The following DMD variants were observed in gnomAD, a reference collection of about 807,000 sequenced individuals.
DMD encodes dystrophin.
Under a neutral mutation model 330.1 loss-of-function variants are expected in DMD, and 63 were observed. The ratio of observed to expected loss-of-function variants is 0.19; its 90% CI spans 0.16 to 0.24. The LOEUF is 0.24. Among genes scored for constraint, DMD ranks in the 10% least tolerant of loss-of-function variants. The pLI is 1.00. For synonymous variants in DMD, 1,223 were observed against 959.8 expected (o/e 1.27, Z -5.07); for missense variants, 3,344 against 2,684.1 (o/e 1.25, Z -5.43).
chrX:33,058,796 T>A (rs183433045), intron 1 of DMD, among the ~76,000 whole-genome samples: 3 of 111,931 alleles, frequency 2.7e-5, no homozygotes, highest in African/African-American at 9.7e-5. Flanking sequence ...CGGATGCATA[T>A]ATAGGGGTAT....
At chrX:31,390,626 A>T (rs2148786755) in intron 60 of DMD, among the ~76,000 whole-genome samples, 1 of 111,478 alleles carries the variant, frequency 9.0e-6, no homozygotes, top group Non-Finnish European at 1.9e-5. Context: ...ACCAAGTCAT[A>T]CAGATTTTGT....
chrX:31,875,172 G>A lies in DMD; in HGVS notation c.7098+16C>T. 1 of 1,189,197 alleles carries A rather than the reference G, an allele frequency of 8.4e-7. No individual in the cohort carries two copies. The highest frequency in any genetic ancestry group is 3.0e-5 in the East Asian group (1 of 33,532). On this transcript the variant is annotated intron_variant, in intron 48 of 78. Coordinates refer to ENST00000357033, the MANE Select transcript of DMD (RefSeq NM_004006.3). ...CTTAAAAAAGACAAAAATATTTAAA[G>A]CAAAAAGTTCCCTACCTTAACGTCA...
chrX:32,339,013 A>C (rs995865494), intron 41 of DMD, among the ~76,000 whole-genome samples: 1 of 112,533 alleles, frequency 8.9e-6, no homozygotes, highest in African/African-American at 3.2e-5. Context: ...TATTTTAAAA[A>C]TTAAAGATTA....
intron 51 of DMD, among the ~76,000 whole-genome samples, chrX:31,757,702 C>G (rs767297249): frequency 9.1e-6 from 1 of 109,786 alleles, no homozygotes; most frequent in Non-Finnish European, 1.9e-5. Context: ...GACCTAATCA[C>G]CCCCCCAAAC....
chrX:31,826,171 T>C (rs971584555), intron 49 of DMD, among the ~76,000 whole-genome samples: 7 of 112,020 alleles, frequency 6.2e-5, no homozygotes, highest in African/African-American at 2.3e-4. Context: ...CCATTTACTC[T>C]AATATTATCT....
At chrX:31,516,816 G>A (rs924456152) in intron 55 of DMD, among the ~76,000 whole-genome samples, 39 of 111,852 alleles carry the variant, frequency 3.5e-4, no homozygotes, top group African/African-American at 1.2e-3. Flanking sequence ...GAAGGGATAT[G>A]CTTTCTTGCC....
At chrX:31,682,191 C>T (rs111860796) in intron 52 of DMD, among the ~76,000 whole-genome samples, 5,918 of 111,971 alleles carry the variant, frequency 0.053, 384 homozygotes, top group African/African-American at 0.18. Flanking sequence ...ATATAGTCCC[C>T]AGAATAATTA....
At chrX:31,310,206 C>CCATAT (rs1569523709) in intron 62 of DMD, among the ~76,000 whole-genome samples, 1 of 36,179 alleles carries the variant, frequency 2.8e-5, no homozygotes, top group East Asian at 7.0e-4. Context: ...TCTCTCTCTC[C>CCATAT]ATATATATAT....
intron 54 of DMD, among the ~76,000 whole-genome samples, chrX:31,645,387 T>C (rs766278191): frequency 8.9e-6 from 1 of 112,105 alleles, no homozygotes; most frequent in African/African-American, 3.2e-5. Context: ...AGCTAATTAA[T>C]CAATATTCCC....
At chrX:31,203,065 T>C (rs1602659240) in intron 67 of DMD, among the ~76,000 whole-genome samples, 1 of 110,221 alleles carries the variant, frequency 9.1e-6, no homozygotes, top group Non-Finnish European at 1.9e-5. Flanking sequence ...GTGGATCACC[T>C]GAGGTCAGGA....
intron 74 of DMD, among the ~76,000 whole-genome samples, chrX:31,151,101 A>T (rs1191499630): frequency 8.9e-6 from 1 of 111,840 alleles, no homozygotes. Flanking sequence ...CTTCAGTCAG[A>T]TTCTGCACAC....
intron 60 of DMD, among the ~76,000 whole-genome samples, chrX:31,434,103 G>A (rs940651758): frequency 6.3e-5 from 7 of 110,934 alleles, no homozygotes; most frequent in East Asian, 2.8e-4. Flanking sequence ...ATAGATTTTC[G>A]TAAGTGCTGT....
At chrX:32,981,370 G>C (rs947470327) in intron 2 of DMD, among the ~76,000 whole-genome samples, 1 of 111,537 alleles carries the variant, frequency 9.0e-6, no homozygotes, top group African/African-American at 3.3e-5. Flanking sequence ...AGGTTAGCAT[G>C]CTTAGCTGAA....
chrX:31,617,697 G>A (rs969440830), intron 55 of DMD, among the ~76,000 whole-genome samples: 2 of 111,159 alleles, frequency 1.8e-5, no homozygotes, highest in Admixed American at 9.6e-5. Context: ...CTGAACTACC[G>A]TTCAACCCAG....
At chrX:31,831,249 C>T (rs1051552639) in intron 49 of DMD, among the ~76,000 whole-genome samples, 1 of 112,068 alleles carries the variant, frequency 8.9e-6, no homozygotes, top group Non-Finnish European at 1.9e-5. Flanking sequence ...AATAACTTAG[C>T]AAGGTGATGA....
chrX:33,109,423 CAT>C (rs1380057800), intron 1 of DMD, among the ~76,000 whole-genome samples: 2 of 111,904 alleles, frequency 1.8e-5, no homozygotes, highest in African/African-American at 3.2e-5. Context: ...TTCTTTAAAT[CAT>C]AGTTGTTTTT....
chrX:33,033,303 G>A (rs1236759957), intron 1 of DMD, among the ~76,000 whole-genome samples: 3 of 109,435 alleles, frequency 2.7e-5, no homozygotes, highest in Non-Finnish European at 5.7e-5. Flanking sequence ...TAAGATCGGT[G>A]ACAGGACTAC....
intron 1 of DMD, among the ~76,000 whole-genome samples, chrX:33,072,443 A>G (rs1396380573): frequency 8.9e-6 from 1 of 112,221 alleles, no homozygotes; most frequent in Non-Finnish European, 1.9e-5. Flanking sequence ...AACAACGACA[A>G]AAAAATCTGG....
chrX:31,671,433 A>G lies in DMD; in HGVS notation c.7872+7942T>C, dbSNP rs745893315. 5.3e-5 allele frequency among the ~76,000 whole-genome samples: 6 copies of G among 112,297 alleles called. No homozygotes were observed. The South Asian group carries it at 2.2e-3, about 41-fold the overall frequency. ...TGGTTATGGTAGCAATCATGTTAATATGTTGTTGTATTAGGTTTGATAATT... is the reference window on the plus strand; with the variant it reads ...TGGTTATGGTAGCAATCATGTTAATGTGTTGTTGTATTAGGTTTGATAATT... On this transcript the variant is annotated intron_variant, in intron 53 of 78. Transcript: ENST00000357033.
Sources: allele counts gnomAD v4.1 joint callset (sites outside exome capture counted in the v4.1 genomes callset), GRCh38; gene constraint gnomAD v4.1.1; transcripts MANE v1.5; gene names NCBI Gene and HGNC (gene_info 2026-07-23, HGNC 2026-07-21).